The following IQGAP2 variants were observed in gnomAD, a reference collection of about 807,000 sequenced individuals.
The protein encoded by IQGAP2 is ras GTPase-activating-like protein IQGAP2.
IQGAP2 carries 173 observed loss-of-function variants against 201.3 expected under a neutral mutation model. That is an observed-to-expected ratio of 0.86 (90% confidence interval 0.76 to 0.98). The LOEUF (loss-of-function observed/expected upper bound fraction) is 0.98, where lower values mean the gene tolerates loss of function less well. Among genes scored for constraint, IQGAP2 ranks in the 50% least tolerant of loss-of-function variants. IQGAP2 has a pLI of 0.00. For synonymous variants in IQGAP2, 675 were observed against 673.9 expected (o/e 1.00, Z -0.03); for missense variants, 1,687 against 1,864.8 (o/e 0.90, Z 1.76).
At chr5:76,491,880 C>A (rs1477499118) in intron 2 of IQGAP2, among the ~76,000 whole-genome samples, 1 of 152,182 alleles carries the variant, frequency 6.6e-6, no homozygotes, top group Admixed American at 6.6e-5. Flanking sequence ...GTACCTTCAT[C>A]TCCAGAAGTT....
chr5:76,688,496 T>TTAC (rs1561595249), intron 30 of IQGAP2, among the ~76,000 whole-genome samples: 1 of 152,208 alleles, frequency 6.6e-6, no homozygotes, highest in Non-Finnish European at 1.5e-5. Flanking sequence ...TATGTAGTGC[T>TTAC]TACCATGGCC....
At chr5:76,449,752 A>G (rs1398125394) in intron 1 of IQGAP2, among the ~76,000 whole-genome samples, 29 of 152,276 alleles carry the variant, frequency 1.9e-4, no homozygotes, top group Non-Finnish European at 4.4e-5. Flanking sequence ...TAATTCTGAA[A>G]TTGTATTTAG....
chr5:76,616,317 G>C (rs1748962585), intron 13 of IQGAP2: 1 of 152,520 alleles, frequency 6.6e-6, no homozygotes, highest in South Asian at 2.1e-4. Flanking sequence ...GTCTGAGGCA[G>C]AGTGGAGATA....
intron 29 of IQGAP2, 133 bp downstream of exon 29, chr5:76,683,350 T>G (rs989772817): frequency 8.5e-6 from 5 of 587,400 alleles, no homozygotes; most frequent in South Asian, 7.0e-5. Context: ...ATTTAAAGAA[T>G]AACAACTACA....
chr5:76,663,173 G>A (rs538796951), intron 21 of IQGAP2, among the ~76,000 whole-genome samples: 7 of 152,186 alleles, frequency 4.6e-5, no homozygotes, highest in Admixed American at 6.5e-5. Context: ...GCCCATGTCC[G>A]CTTGTGAAAA....
intron 11 of IQGAP2, among the ~76,000 whole-genome samples, chr5:76,604,588 GTTTA>G (rs1171891705): frequency 2.0e-5 from 3 of 151,980 alleles, no homozygotes; most frequent in African/African-American, 7.3e-5. Flanking sequence ...TTCTTTCTGT[GTTTA>G]TTTTTTACTT....
At chr5:76,505,118 A>G (rs989738318) in intron 2 of IQGAP2, among the ~76,000 whole-genome samples, 3 of 152,194 alleles carry the variant, frequency 2.0e-5, no homozygotes, top group African/African-American at 7.2e-5. Context: ...CACCCTCACT[A>G]GAGTCTTAAG....
chr5:76,571,376 G>T (rs761379488), intron 4 of IQGAP2, among the ~76,000 whole-genome samples: 14 of 152,000 alleles, frequency 9.2e-5, no homozygotes, highest in Non-Finnish European at 1.6e-4. Context: ...TAGAGACAGG[G>T]TTTTGCCTCG....
intron 16 of IQGAP2, among the ~76,000 whole-genome samples, chr5:76,638,922 G>C (rs1411406696): frequency 3.9e-5 from 6 of 152,152 alleles, no homozygotes; most frequent in Non-Finnish European, 8.8e-5. Context: ...GAAACAGGAG[G>C]GGGTAAAGTC....
At chr5:76,482,325 G>A (rs1286595730) in intron 2 of IQGAP2, among the ~76,000 whole-genome samples, 1 of 152,154 alleles carries the variant, frequency 6.6e-6, no homozygotes, top group African/African-American at 2.4e-5. Flanking sequence ...CTTATAAAGT[G>A]GTGATGAAAA....
In IQGAP2 at chr5:76,549,001, C is replaced by G. The variant is rs150319786; in HGVS notation, c.147-13395C>G. On this transcript the variant is annotated intron_variant, in intron 2 of 35. Transcript: ENST00000274364. ...AGTCAAAATGCTGGCATACTTCCTG[C>G]GCAAGGAAGTCTGTATGGCTAAACA... 3.1e-4 allele frequency among the ~76,000 whole-genome samples: 47 copies of G among 152,100 alleles called. 1 individual carries two copies. In the East Asian group the frequency reaches 8.9e-3, roughly 29 times the overall value.
chr5:76,617,576 A>G lies in IQGAP2; in HGVS notation c.1521+6393A>G, dbSNP rs2069684. On this transcript the variant is annotated intron_variant, in intron 13 of 35. Coordinates refer to ENST00000274364, the MANE Select transcript of IQGAP2 (RefSeq NM_006633.5). Reference sequence around the variant, plus strand: ...ATGGCTGTCCTTGTTCTCTAAGATCATTTCACTATTTTGTAAGGTAAGCAG... The same window carrying G: ...ATGGCTGTCCTTGTTCTCTAAGATCGTTTCACTATTTTGTAAGGTAAGCAG... 662 of 1,598,856 alleles carry G rather than the reference A, an allele frequency of 4.1e-4. 2 individuals carry two copies. The African/African-American group carries it at 8.2e-3, about 20-fold the overall frequency.
At chr5:76,579,191 A>G (rs2150287837) in intron 5 of IQGAP2, among the ~76,000 whole-genome samples, 1 of 152,146 alleles carries the variant, frequency 6.6e-6, no homozygotes, top group African/African-American at 2.4e-5. Context: ...TACAAGTTTC[A>G]CTCATTTTGT....
At chr5:76,566,690 A>T (rs1744774504) in intron 3 of IQGAP2, among the ~76,000 whole-genome samples, 1 of 152,090 alleles carries the variant, frequency 6.6e-6, no homozygotes, top group African/African-American at 2.4e-5. Flanking sequence ...CAGTGAGGGG[A>T]TAACTCAGTC....
At chr5:76,522,538 C>T (rs1482073825) in intron 2 of IQGAP2, among the ~76,000 whole-genome samples, 1 of 152,066 alleles carries the variant, frequency 6.6e-6, no homozygotes, top group Non-Finnish European at 1.5e-5. Flanking sequence ...AGGAAATGTA[C>T]GATGTTTATA....
At chr5:76,404,622 C>G (rs1354925914) in intron 1 of IQGAP2, 2 of 330,080 alleles carry the variant, frequency 6.1e-6, no homozygotes, top group East Asian at 1.7e-4. Flanking sequence ...AGGCCACTGA[C>G]TTGCTTAACT....
chr5:76,536,854 C>T (rs114997134), intron 2 of IQGAP2, among the ~76,000 whole-genome samples: 18 of 152,032 alleles, frequency 1.2e-4, no homozygotes, highest in African/African-American at 3.6e-4. Context: ...ATTCAGAAAC[C>T]GGACAGAGCT....
chr5:76,519,190 A>G (rs942223892), intron 2 of IQGAP2, among the ~76,000 whole-genome samples: 1 of 152,154 alleles, frequency 6.6e-6, no homozygotes, highest in Non-Finnish European at 1.5e-5. Flanking sequence ...TTATTCCTAA[A>G]AGTAGCCCTT....
intron 2 of IQGAP2, among the ~76,000 whole-genome samples, chr5:76,552,615 A>C (rs1450752029): frequency 1.3e-5 from 2 of 152,198 alleles, no homozygotes; most frequent in African/African-American, 4.8e-5. Flanking sequence ...GCAATTCAGC[A>C]ATGTTCTTGG....
Sources: gnomAD v4.1 joint callset for allele counts (sites outside exome capture counted in the v4.1 genomes callset) on GRCh38, gnomAD v4.1.1 for gene constraint, MANE v1.5 for transcripts, NCBI Gene and HGNC (gene_info 2026-07-23, HGNC 2026-07-21) for gene names.